IQCM: variants seen among roughly 807,000 people sequenced by gnomAD.
IQCM encodes the protein IQ domain-containing protein M.
In IQCM, 45 loss-of-function variants were observed where a neutral mutation model predicts 57.6. That is an observed-to-expected ratio of 0.78 (90% CI 0.62 to 1.00). The LOEUF is 1.00. Among genes scored for constraint, IQCM ranks in the 50% least tolerant of loss-of-function variants. The pLI is 0.00. For missense variants in IQCM, 468 were observed against 511.6 expected (o/e 0.91, Z 0.82); for synonymous variants, 148 against 158.9 (o/e 0.93, Z 0.51).
intron 13 of IQCM, among the ~76,000 whole-genome samples, chr4:149,357,140 T>C (rs952762294): frequency 3.9e-5 from 6 of 152,158 alleles, no homozygotes; most frequent in African/African-American, 1.4e-4. Context: ...TTAAGGAGAT[T>C]TTGGGCTGAG....
intron 13 of IQCM, among the ~76,000 whole-genome samples, chr4:149,417,793 C>T (rs370101855): frequency 1.3e-5 from 2 of 149,964 alleles, no homozygotes; most frequent in African/African-American, 4.9e-5. Context: ...CCAAATGCAA[C>T]AAAAGCATTC....
chr4:149,367,336 A>G (rs1427600537), intron 13 of IQCM, among the ~76,000 whole-genome samples: 1 of 151,978 alleles, frequency 6.6e-6, no homozygotes, highest in Non-Finnish European at 1.5e-5. Flanking sequence ...TCACTTCCCT[A>G]TATCATTACA....
At chr4:149,708,327 A>C (rs1253530839) in intron 5 of IQCM, among the ~76,000 whole-genome samples, 1 of 152,058 alleles carries the variant, frequency 6.6e-6, no homozygotes, top group Non-Finnish European at 1.5e-5. Flanking sequence ...AATTGCTACA[A>C]GAAAACAAAG....
intron 7 of IQCM, among the ~76,000 whole-genome samples, chr4:149,659,027 TA>T (rs570808625): frequency 1.4e-4 from 21 of 151,818 alleles, no homozygotes; most frequent in South Asian, 4.2e-4. Flanking sequence ...AAGAAGTGGT[TA>T]AAAAAAAGGG....
intron 8 of IQCM, among the ~76,000 whole-genome samples, chr4:149,589,411 A>G (rs1752921838): frequency 6.6e-6 from 1 of 152,030 alleles, no homozygotes; most frequent in Non-Finnish European, 1.5e-5. Context: ...CTCTTCTATA[A>G]ACTCTCAAGA....
At chr4:149,476,209 C>T (rs1740170281) in intron 12 of IQCM, among the ~76,000 whole-genome samples, 1 of 152,030 alleles carries the variant, frequency 6.6e-6, no homozygotes, top group African/African-American at 2.4e-5. Flanking sequence ...ACATCTATGG[C>T]AGCAAGAGAA....
At chr4:149,521,329 G>A (rs1560945657) in intron 12 of IQCM, among the ~76,000 whole-genome samples, 1 of 152,150 alleles carries the variant, frequency 6.6e-6, no homozygotes, top group Non-Finnish European at 1.5e-5. Flanking sequence ...AAGGTAAGCG[G>A]AAGGGAGGGA....
chr4:149,613,873 T>A (rs1755540970), intron 8 of IQCM, among the ~76,000 whole-genome samples: 2 of 152,128 alleles, frequency 1.3e-5, no homozygotes, highest in South Asian at 4.1e-4. Flanking sequence ...TCCAGCTTCA[T>A]CCATGTCCCT....
chr4:149,491,541 C>T (rs1487348080), intron 12 of IQCM, among the ~76,000 whole-genome samples: 2 of 152,034 alleles, frequency 1.3e-5, no homozygotes, highest in Non-Finnish European at 1.5e-5. Flanking sequence ...GTTTATTCCA[C>T]TTAACATGTT....
At chr4:149,772,434 G>A (rs1238845968) in intron 2 of IQCM, among the ~76,000 whole-genome samples, 1 of 152,050 alleles carries the variant, frequency 6.6e-6, no homozygotes, top group East Asian at 1.9e-4. Flanking sequence ...CAGAAAAATA[G>A]AAATGTGCAA....
At chr4:149,695,366 G>T (rs915338856) in intron 5 of IQCM, among the ~76,000 whole-genome samples, 11 of 152,096 alleles carry the variant, frequency 7.2e-5, no homozygotes, top group African/African-American at 2.4e-4. Flanking sequence ...TCCAAATACA[G>T]CGCTATGAAA....
intron 12 of IQCM, among the ~76,000 whole-genome samples, chr4:149,435,800 AC>A (rs1177382900): frequency 1.3e-5 from 2 of 152,048 alleles, no homozygotes; most frequent in African/African-American, 4.8e-5. Context: ...CTAAAAAAAA[AC>A]AAAAAATATA....
At chr4:149,731,861 T>C (rs1484929912) in intron 5 of IQCM, among the ~76,000 whole-genome samples, 1 of 144,104 alleles carries the variant, frequency 6.9e-6, no homozygotes, top group Non-Finnish European at 1.5e-5. Flanking sequence ...ATATAACGTG[T>C]ATTTTATTTA....
chr4:149,663,741 C>T lies in IQCM; in HGVS notation c.565+18377G>A, dbSNP rs540797488. Among the ~76,000 whole-genome samples, 80 of 152,072 alleles carry T rather than the reference C, an allele frequency of 5.3e-4. 1 individual carries two copies. The South Asian group carries it at 0.015, about 28-fold the overall frequency. ...TCAGTTTCTGTAACTTGATGTTTCT[C>T]TCATGCAGCTTTTAGAATTCTCTGT... On this transcript the variant is annotated intron_variant, in intron 7 of 13. Transcript: ENST00000636793.
intron 2 of IQCM, among the ~76,000 whole-genome samples, chr4:149,765,706 C>A (rs996355225): frequency 6.6e-6 from 1 of 152,044 alleles, no homozygotes; most frequent in Non-Finnish European, 1.5e-5. Flanking sequence ...TCTATAATTT[C>A]TTACTTCTCA....
intron 12 of IQCM, among the ~76,000 whole-genome samples, chr4:149,502,975 C>A (rs1197942532): frequency 6.6e-6 from 1 of 151,680 alleles, no homozygotes; most frequent in East Asian, 1.9e-4. Context: ...GCCTCTAATC[C>A]TAATACTTTG....
rs1425490391 is a variant in IQCM, at chr4:149,779,715, T to C, written c.-49+35596A>G. The stretch of plus-strand genomic sequence containing the variant: ...CTATTCATTCCCTAAGAGAAGGCAA[T>C]TGGTAAAAGGTTCTGGTACAGAGTC... On this transcript the variant is annotated intron_variant, in intron 2 of 13. Coordinates refer to ENST00000636793, the MANE Select transcript of IQCM (RefSeq NM_001363507.2). Among the ~76,000 whole-genome samples the C allele has an allele frequency of 2.0e-5, 3 of 152,096 alleles. No homozygotes were observed. In the East Asian group the frequency reaches 5.8e-4, roughly 29 times the overall value.
At position 149,507,819 on chromosome 4, in the gene IQCM, A is replaced by G. The variant is rs1160948084; in HGVS notation, c.1228+40636T>C. 5.3e-5 allele frequency among the ~76,000 whole-genome samples: 8 copies of G among 152,282 alleles called. No individual in the cohort carries two copies. The South Asian group carries it at 1.4e-3, about 28-fold the overall frequency. Reference sequence around the variant, plus strand: ...TGTTAATCCCCAAGACAATGGAGAAAATGTCTCCAGGGCATGTGAAAGACC... The same window carrying G: ...TGTTAATCCCCAAGACAATGGAGAAGATGTCTCCAGGGCATGTGAAAGACC... On this transcript the variant is annotated intron_variant, in intron 12 of 13. Transcript: ENST00000636793.
At chr4:149,771,909 T>A (rs1770619618) in intron 2 of IQCM, among the ~76,000 whole-genome samples, 1 of 152,132 alleles carries the variant, frequency 6.6e-6, no homozygotes, top group African/African-American at 2.4e-5. Context: ...AGAAAAATAA[T>A]TCTATTTTCT....
Sources: allele counts gnomAD v4.1 joint callset (sites outside exome capture counted in the v4.1 genomes callset), GRCh38; gene constraint gnomAD v4.1.1; transcripts MANE v1.5; gene names NCBI Gene and HGNC (gene_info 2026-07-23, HGNC 2026-07-21).